Variants in LPAR1 observed in about 807,000 individuals in gnomAD.
LPAR1 encodes LPA receptor 1.
Under a neutral mutation model 23.8 loss-of-function variants are expected in LPAR1, and 5 were observed. That is an observed-to-expected ratio of 0.21 (90% CI 0.11 to 0.44). LPAR1 has a LOEUF of 0.44. Among genes scored for constraint, LPAR1 ranks in the 20% least tolerant of loss-of-function variants. The pLI is 0.99. For synonymous variants in LPAR1, 160 were observed against 164.7 expected (o/e 0.97, Z 0.22); for missense variants, 311 against 482.8 (o/e 0.64, Z 3.33).
chr9:111,032,241 C>A (rs190399030), intron 2 of LPAR1, among the ~76,000 whole-genome samples: 17 of 152,298 alleles, frequency 1.1e-4, no homozygotes, highest in African/African-American at 4.1e-4. Flanking sequence ...TAGAAAGCCT[C>A]TTGATCCCTT....
At chr9:110,975,158 C>T (rs1359130147) in intron 2 of LPAR1, among the ~76,000 whole-genome samples, 1 of 152,092 alleles carries the variant, frequency 6.6e-6, no homozygotes, top group Non-Finnish European at 1.5e-5. Context: ...TTTCACCAAG[C>T]TATGTCATTA....
In LPAR1 at chr9:111,034,671, G is replaced by A. The variant is rs563653065; in HGVS notation, c.-182+1451C>T. ...GTAGCAGCCATAAGTTACACGGATT[G>A]TAATGGAATAAAAGCCCAGTCCTCC... is the stretch of plus-strand genomic sequence containing the variant. On this transcript the variant is annotated intron_variant, in intron 2 of 5. Transcript: ENST00000683809. Among the ~76,000 whole-genome samples the A allele has an allele frequency of 2.0e-5, 3 of 152,288 alleles. No individual in the cohort carries two copies. In the East Asian group the frequency reaches 5.8e-4, roughly 29 times the overall value.
At chr9:110,929,698 ATGTGTGTGTGTGTG>A (rs71371696) in intron 5 of LPAR1, among the ~76,000 whole-genome samples, 48,514 of 146,282 alleles carry the variant, frequency 0.33, 9,150 homozygotes, top group Non-Finnish European at 0.44. Flanking sequence ...CCAGCCAATA[ATGTGTGTGTGTGTG>A]TGTGTGTGTG....
chr9:110,938,633 C>T (rs1472464807), intron 5 of LPAR1, among the ~76,000 whole-genome samples: 2 of 151,220 alleles, frequency 1.3e-5, no homozygotes, highest in Non-Finnish European at 2.9e-5. Flanking sequence ...GCAGGAAGAT[C>T]ACTGGAACCC....
chr9:110,913,530 T>G (rs74308654), intron 5 of LPAR1, among the ~76,000 whole-genome samples: 1 of 127,356 alleles, frequency 7.9e-6, no homozygotes, highest in African/African-American at 3.8e-5. Context: ...TACACACACA[T>G]GTGTATCAAG....
rs73655666 is a variant in LPAR1 at position 110,904,060 on chromosome 9, T to G, written c.794-28338A>C. ...AGAATTGTCATCTTCAAATTCTATA[T>G]CCAGGAAAACTATACTTCAAGAATG... On this transcript the variant is annotated intron_variant, in intron 5 of 5. Coordinates refer to ENST00000683809, the MANE Select transcript of LPAR1 (RefSeq NM_001351411.2). Among the ~76,000 whole-genome samples the G allele has an allele frequency of 7.0e-3, 1,068 of 152,146 alleles. 16 individuals carry two copies. The highest frequency in any genetic ancestry group is 0.024 in the African/African-American group (999 of 41,496).
chr9:110,917,764 A>G (rs1356428458), intron 5 of LPAR1, among the ~76,000 whole-genome samples: 1 of 152,180 alleles, frequency 6.6e-6, no homozygotes, highest in African/African-American at 2.4e-5. Flanking sequence ...TGTGTTTTAC[A>G]TCTTCATTAA....
At chr9:110,936,125 C>G (rs1322126990) in intron 5 of LPAR1, among the ~76,000 whole-genome samples, 2 of 152,206 alleles carry the variant, frequency 1.3e-5, no homozygotes, top group Non-Finnish European at 2.9e-5. Flanking sequence ...CTGCCCATAC[C>G]TCTACTAGCA....
chr9:110,927,393 G>C (rs980824848), intron 5 of LPAR1, among the ~76,000 whole-genome samples: 13 of 152,028 alleles, frequency 8.6e-5, no homozygotes, highest in Admixed American at 7.9e-4. Flanking sequence ...CAGATGAAGG[G>C]GCTGAAATTC....
rs1002238810 is a variant in LPAR1, at chr9:110,874,746, G to C, written c.*675C>G. 4 of 152,546 alleles carry C rather than the reference G, an allele frequency of 2.6e-5. No homozygotes were observed. Among genetic ancestry groups the C allele is most frequent in the Non-Finnish European group, 5.9e-5 (4 of 68,024 alleles). The allele number at this position is 152,546 out of a possible 1,614,324, so 9.4% of individuals were successfully genotyped here. A position where few individuals can be genotyped will look rare whatever the true frequency, so the allele number is the denominator to read the frequency against. On this transcript the variant is annotated 3_prime_UTR_variant, in exon 6 of 6. Transcript: ENST00000683809. ...TTAAACAGTTAATATTGTGATTAGA[G>C]CATTGTTTGCTTCATGACCTAAACA... is the stretch of plus-strand genomic sequence containing the variant.
chr9:110,985,529 C>T (rs1172307597), intron 2 of LPAR1, among the ~76,000 whole-genome samples: 1 of 152,030 alleles, frequency 6.6e-6, no homozygotes, highest in Non-Finnish European at 1.5e-5. Context: ...AACACAATTG[C>T]GCCTTTTTAC....
At chr9:110,919,250 C>G (rs573799050) in intron 5 of LPAR1, among the ~76,000 whole-genome samples, 2 of 152,108 alleles carry the variant, frequency 1.3e-5, no homozygotes, top group African/African-American at 4.8e-5. Flanking sequence ...CTCTGCCCAC[C>G]CCCTGCCTCC....
intron 4 of LPAR1, among the ~76,000 whole-genome samples, chr9:110,957,552 ACT>A (rs1454983441): frequency 6.6e-6 from 1 of 152,020 alleles, no homozygotes; most frequent in Non-Finnish European, 1.5e-5. Context: ...CATGACAAAA[ACT>A]CTCAGCAAAC....
intron 2 of LPAR1, among the ~76,000 whole-genome samples, chr9:111,015,510 G>A (rs1388231018): frequency 6.6e-6 from 1 of 152,124 alleles, no homozygotes; most frequent in South Asian, 2.1e-4. Flanking sequence ...AAGAAGTAGA[G>A]GGTAGAATGA....
rs533230483 is a variant in LPAR1, at chr9:110,890,574, T to G, written c.794-14852A>C. Among the ~76,000 whole-genome samples the G allele has an allele frequency of 2.5e-4, 38 of 152,342 alleles. No homozygotes were observed. The South Asian group carries it at 7.9e-3, about 32-fold the overall frequency. Reference sequence around the variant, plus strand: ...CTTCTTTGTTGCATTAACTGTTCCATGAATTCCAGGGTCCTTAGCACCCTG... The same window carrying G: ...CTTCTTTGTTGCATTAACTGTTCCAGGAATTCCAGGGTCCTTAGCACCCTG... On this transcript the variant is annotated intron_variant, in intron 5 of 5. Coordinates refer to ENST00000683809, the MANE Select transcript of LPAR1 (RefSeq NM_001351411.2).
At chr9:110,896,787 CTTT>C (rs3030133) in intron 5 of LPAR1, among the ~76,000 whole-genome samples, 5 of 126,316 alleles carry the variant, frequency 4.0e-5, no homozygotes, top group Admixed American at 8.3e-5. Flanking sequence ...TTAGTGAAAT[CTTT>C]TTTTTTTTTT....
intron 5 of LPAR1, among the ~76,000 whole-genome samples, chr9:110,890,466 A>T (rs2083760606): frequency 6.6e-6 from 1 of 152,144 alleles, no homozygotes; most frequent in Non-Finnish European, 1.5e-5. Flanking sequence ...ACTATAAAAA[A>T]ATAGACAAAA....
chr9:110,903,139 G>A (rs1409682), intron 5 of LPAR1, among the ~76,000 whole-genome samples: 26,337 of 152,006 alleles, frequency 0.17, 2,696 homozygotes, highest in Admixed American at 0.25. Context: ...CAAACCAAAA[G>A]TCAGGAAAAT....
At chr9:111,001,438 G>T (rs1159431518) in intron 2 of LPAR1, among the ~76,000 whole-genome samples, 1 of 152,014 alleles carries the variant, frequency 6.6e-6, no homozygotes, top group Non-Finnish European at 1.5e-5. Flanking sequence ...ACATTCAGAG[G>T]TACACAAAGT....
Sources: allele counts gnomAD v4.1 joint callset (sites outside exome capture counted in the v4.1 genomes callset), GRCh38; gene constraint gnomAD v4.1.1; transcripts MANE v1.5; gene names NCBI Gene and HGNC (gene_info 2026-07-23, HGNC 2026-07-21).